The following LMO7 variants were observed in gnomAD, a reference collection of about 807,000 sequenced individuals.
The protein encoded by LMO7 is LIM domain 7.
Under a neutral mutation model 206.5 loss-of-function variants are expected in LMO7, and 120 were observed. The ratio of observed to expected loss-of-function variants is 0.58; its 90% CI spans 0.50 to 0.68. The LOEUF (loss-of-function observed/expected upper bound fraction) is 0.68. LMO7 is among the 30% of genes least tolerant of loss of function. The pLI, the probability that LMO7 is intolerant of heterozygous loss-of-function variation, is 0.00. For missense variants in LMO7, 1,959 were observed against 1,957.9 expected (o/e 1.00, Z -0.01); for synonymous variants, 706 against 681.5 (o/e 1.04, Z -0.56).
At chr13:75,803,993 T>C (rs2055113278) in intron 7 of LMO7, among the ~76,000 whole-genome samples, 1 of 152,204 alleles carries the variant, frequency 6.6e-6, no homozygotes, top group Admixed American at 6.5e-5. Context: ...CAACAAATCT[T>C]ATGGAAAATC....
intron 2 of LMO7, among the ~76,000 whole-genome samples, chr13:75,720,526 T>G (rs548824255): frequency 6.6e-6 from 1 of 152,330 alleles, no homozygotes; most frequent in Admixed American, 6.5e-5. Context: ...GTAAGGTCTG[T>G]GTCTAAATGC....
Position 75,834,251 on chromosome 13 carries a change from A to G in LMO7, c.3090A>G (p.Leu1030=), listed in dbSNP as rs141667654. Residue 1030 remains leucine (L), a synonymous_variant, in exon 17 of 31, where the codon CTA becomes CTG. Coordinates refer to ENST00000377534, the MANE Select transcript of LMO7 (RefSeq NM_001306080.2). ...EAGSPAEFSQ[L]QVDDEIIAIN... ...GTAGCCCAGCAGAATTTTCTCAGCT[A>G]CAAGTAGATGATGAAATTATTGCTA... 22 of 1,605,136 alleles carry G rather than the reference A, an allele frequency of 1.4e-5. No homozygotes were observed. In the African/African-American group the frequency reaches 2.8e-4, roughly 21 times the overall value.
At chr13:75,822,207 G>A (rs1251377903) in intron 14 of LMO7, among the ~76,000 whole-genome samples, 1 of 152,098 alleles carries the variant, frequency 6.6e-6, no homozygotes, top group East Asian at 1.9e-4. Flanking sequence ...TTATGTGAAA[G>A]GAAGCAACAC....
chr13:75,828,402 C>T (rs866153625), intron 15 of LMO7, among the ~76,000 whole-genome samples: 1 of 152,250 alleles, frequency 6.6e-6, no homozygotes, highest in Admixed American at 6.5e-5. Flanking sequence ...GACAGGCTCA[C>T]GTTTGAGGAC....
At chr13:75,820,015 A>G (rs577218911) in intron 13 of LMO7, among the ~76,000 whole-genome samples, 1 of 152,222 alleles carries the variant, frequency 6.6e-6, no homozygotes, top group African/African-American at 2.4e-5. Flanking sequence ...TACTCTTTGC[A>G]TTGCATCTTA....
At position 75,677,977 on chromosome 13, in the gene LMO7, A is replaced by AT. The variant is rs1166385650; in HGVS notation, c.70-35199dup. Reference sequence around the variant, plus strand: ...TCCCTACAAATGACATGAACTCATCATTTTTTATGCCTGTATAGTATTCCA... The same window carrying AT: ...TCCCTACAAATGACATGAACTCATCATTTTTTTATGCCTGTATAGTATTCCA... On this transcript the variant is annotated intron_variant, in intron 1 of 30. Transcript: ENST00000377534. Among the ~76,000 whole-genome samples the AT allele has an allele frequency of 1.6e-4, 25 of 152,090 alleles. No homozygotes were observed. In the South Asian group the frequency reaches 2.3e-3, roughly 14 times the overall value.
chr13:75,646,427 C>CA (rs1465975272), intron 1 of LMO7, among the ~76,000 whole-genome samples: 2 of 152,150 alleles, frequency 1.3e-5, no homozygotes, highest in Non-Finnish European at 2.9e-5. Context: ...CTTTCCATTA[C>CA]ATTAAGAATA....
Position 75,732,836 on chromosome 13 carries a change from C to T in LMO7, c.210+5738C>T, listed in dbSNP as rs1424208752. On this transcript the variant is annotated intron_variant, in intron 3 of 30. Transcript: ENST00000377534. Reference sequence around the variant, plus strand: ...TCCTTTCTGTTTGTTAGTTTTCCTTCTAACAGACAGGACCCTCAGCTGCAG... The same window carrying T: ...TCCTTTCTGTTTGTTAGTTTTCCTTTTAACAGACAGGACCCTCAGCTGCAG... Among the ~76,000 whole-genome samples the T allele has an allele frequency of 2.0e-5, 3 of 152,196 alleles. No homozygotes were observed. The East Asian group carries it at 5.8e-4, about 29-fold the overall frequency.
At chr13:75,804,700 A>G in intron 8 of LMO7, 159 bp downstream of exon 8, 3 of 1,090,746 alleles carry the variant, frequency 2.8e-6, no homozygotes, top group African/African-American at 3.2e-5. Flanking sequence ...AGTTATACAT[A>G]TCTTGAAGCC....
At chr13:75,671,364 A>G (rs2139385924) in intron 1 of LMO7, among the ~76,000 whole-genome samples, 1 of 152,344 alleles carries the variant, frequency 6.6e-6, no homozygotes, top group East Asian at 1.9e-4. Flanking sequence ...CAGAATCACC[A>G]CAAACACATA....
intron 3 of LMO7, among the ~76,000 whole-genome samples, chr13:75,735,694 TTGATCTCC>T (rs1489888024): frequency 6.6e-6 from 1 of 151,750 alleles, no homozygotes; most frequent in East Asian, 1.9e-4. Context: ...CCGGGTAGTC[TTGATCTCC>T]TGACCTTGGG....
chr13:75,675,888 G>GCACACACACACA (rs3036374), intron 1 of LMO7, among the ~76,000 whole-genome samples: 1 of 150,666 alleles, frequency 6.6e-6, no homozygotes. Context: ...GCACGAGCGT[G>GCACACACACACA]CACACACACA....
In LMO7 at chr13:75,704,492, C is replaced by A. The variant is rs1461303574; in HGVS notation, c.70-8690C>A. On this transcript the variant is annotated intron_variant, in intron 1 of 30. Coordinates refer to ENST00000377534, the MANE Select transcript of LMO7 (RefSeq NM_001306080.2). Reference sequence around the variant, plus strand: ...TCACAGCCTAATGTTTGTCAGCAAACCCCTCTCCCCAGCTTTGAATACAAG... The same window carrying A: ...TCACAGCCTAATGTTTGTCAGCAAAACCCTCTCCCCAGCTTTGAATACAAG... Among the ~76,000 whole-genome samples the A allele has an allele frequency of 3.3e-5, 5 of 152,144 alleles. No homozygotes were observed. The East Asian group carries it at 9.6e-4, about 29-fold the overall frequency.
intron 1 of LMO7, among the ~76,000 whole-genome samples, chr13:75,650,169 C>T (rs796245396): frequency 6.6e-6 from 1 of 151,516 alleles, no homozygotes; most frequent in East Asian, 1.9e-4. Flanking sequence ...CTCGCTCTGT[C>T]GCCAGGTTGG....
At chr13:75,774,596 T>A (rs905595786) in intron 4 of LMO7, among the ~76,000 whole-genome samples, 8 of 152,202 alleles carry the variant, frequency 5.3e-5, no homozygotes, top group Admixed American at 5.2e-4. Context: ...TTAGCTCACA[T>A]TTTCCTCATG....
chr13:75,647,260 A>G (rs531527603), intron 1 of LMO7, among the ~76,000 whole-genome samples: 2 of 152,330 alleles, frequency 1.3e-5, no homozygotes, highest in South Asian at 2.1e-4. Flanking sequence ...TTAATTCTTT[A>G]TACTTGAAAT....
intron 4 of LMO7, among the ~76,000 whole-genome samples, chr13:75,785,365 T>C (rs2052256000): frequency 6.6e-6 from 1 of 152,076 alleles, no homozygotes; most frequent in South Asian, 2.1e-4. Flanking sequence ...GCTTTTGGAG[T>C]TGCAGTTTCC....
chr13:75,749,574 G>A (rs1243503697), intron 3 of LMO7, among the ~76,000 whole-genome samples: 3 of 152,100 alleles, frequency 2.0e-5, no homozygotes, highest in African/African-American at 7.2e-5. Context: ...AGAACGCTCA[G>A]CCCTCCCTCC....
Position 75,636,548 on chromosome 13 carries a change from G to A in LMO7, c.-110G>A. On this transcript the variant is annotated 5_prime_UTR_variant, in exon 1 of 31. Coordinates refer to ENST00000377534, the MANE Select transcript of LMO7 (RefSeq NM_001306080.2). ...CGCCTTCGCAGCCGGAGCGGAAGCCGGAGTTGTGGGAGGCCCGCGTGCCCT... is the reference window on the plus strand; with the variant it reads ...CGCCTTCGCAGCCGGAGCGGAAGCCAGAGTTGTGGGAGGCCCGCGTGCCCT... 1 of 1,525,280 alleles carries A rather than the reference G, an allele frequency of 6.6e-7. No individual in the cohort carries two copies. Among genetic ancestry groups the A allele is most frequent in the Non-Finnish European group, 8.7e-7 (1 of 1,143,036 alleles). The allele number at this position is 1,525,280 out of a possible 1,614,324, so 94.5% of individuals were successfully genotyped here.
Sources: gnomAD v4.1 joint callset for allele counts (sites outside exome capture counted in the v4.1 genomes callset) on GRCh38, gnomAD v4.1.1 for gene constraint, MANE v1.5 for transcripts, NCBI Gene and HGNC (gene_info 2026-07-23, HGNC 2026-07-21) for gene names.